Variants in SOBP observed in about 807,000 individuals in gnomAD.
SOBP encodes the protein sine oculis-binding protein homolog.
In SOBP, 4 loss-of-function variants were observed where a neutral mutation model predicts 53.6. That is an observed-to-expected ratio of 0.07 (90% CI 0.04 to 0.17). SOBP has a LOEUF of 0.17. Ranked by LOEUF, SOBP falls within the 10% of genes least tolerant of loss-of-function variation. The probability of loss-of-function intolerance (pLI) is 1.00; values close to 1 mark genes in which losing one functional copy is unlikely to be tolerated. For synonymous variants in SOBP, 584 were observed against 522.6 expected, an observed-to-expected ratio of 1.12 and a Z score of -1.60; for missense variants, 1,088 against 1,204.7, an observed-to-expected ratio of 0.90 and a Z score of 1.43.
chr6:107,654,100 C>T (rs1771916974), intron 6 of SOBP, among the ~76,000 whole-genome samples: 2 of 152,182 alleles, frequency 1.3e-5, no homozygotes, highest in African/African-American at 4.8e-5. Context: ...TGTGCAGTTA[C>T]GATTCCATGA....
chr6:107,554,721 C>T (rs981830456), intron 4 of SOBP, among the ~76,000 whole-genome samples: 1 of 152,182 alleles, frequency 6.6e-6, no homozygotes, highest in Admixed American at 6.5e-5. Context: ...CAACATTGCC[C>T]TCTAAATGAC....
intron 4 of SOBP, among the ~76,000 whole-genome samples, chr6:107,572,948 A>G (rs1395804770): frequency 1.3e-5 from 2 of 152,224 alleles, no homozygotes; most frequent in Non-Finnish European, 2.9e-5. Context: ...GGAATTCACC[A>G]TACTGCAGTG....
chr6:107,568,811 C>G (rs543509773), intron 4 of SOBP, among the ~76,000 whole-genome samples: 2 of 152,220 alleles, frequency 1.3e-5, no homozygotes, highest in Admixed American at 6.5e-5. Flanking sequence ...ATTTTTGAAA[C>G]AAGAAGATGT....
chr6:107,607,773 T>C (rs1036270582), intron 5 of SOBP, among the ~76,000 whole-genome samples: 6 of 152,234 alleles, frequency 3.9e-5, no homozygotes, highest in Admixed American at 1.3e-4. Context: ...TCAGTTCAAA[T>C]ATAGAACTAA....
At chr6:107,613,517 T>C (rs553935990) in intron 5 of SOBP, among the ~76,000 whole-genome samples, 1 of 152,358 alleles carries the variant, frequency 6.6e-6, no homozygotes, top group African/African-American at 2.4e-5. Context: ...ATTCTACTTT[T>C]ATGTAGAGAA....
At chr6:107,546,551 A>G (rs545608789) in intron 4 of SOBP, among the ~76,000 whole-genome samples, 200 of 152,324 alleles carry the variant, frequency 1.3e-3, no homozygotes, top group African/African-American at 4.6e-3. Flanking sequence ...GTATCTTCCC[A>G]TGAGCATGCT....
intron 4 of SOBP, among the ~76,000 whole-genome samples, chr6:107,566,949 C>G (rs1321310017): frequency 6.6e-6 from 1 of 152,144 alleles, no homozygotes; most frequent in East Asian, 1.9e-4. Flanking sequence ...CTACACAGTT[C>G]CTGAGGAGGG....
chr6:107,643,232 A>G (rs1457941772), intron 6 of SOBP, among the ~76,000 whole-genome samples: 3 of 152,194 alleles, frequency 2.0e-5, no homozygotes, highest in Non-Finnish European at 2.9e-5. Flanking sequence ...TGTGGGAGCA[A>G]GAATGATCAG....
chr6:107,572,188 A>G (rs1387954004), intron 4 of SOBP, among the ~76,000 whole-genome samples: 1 of 152,202 alleles, frequency 6.6e-6, no homozygotes, highest in Admixed American at 6.5e-5. Flanking sequence ...CCCTGAAGAT[A>G]GCAATTTTGA....
chr6:107,583,462 T>C (rs1264426014), intron 4 of SOBP, among the ~76,000 whole-genome samples: 5 of 152,218 alleles, frequency 3.3e-5, no homozygotes, highest in African/African-American at 4.8e-5. Flanking sequence ...TACCAGAAAC[T>C]AAGAAACAAA....
In SOBP at chr6:107,660,427, T is replaced by G. The variant is rs1484068299; in HGVS notation, c.*2224T>G. Among the ~76,000 whole-genome samples the G allele has an allele frequency of 1.3e-5, 2 of 152,184 alleles. No homozygotes were observed. The highest frequency in any genetic ancestry group is 1.5e-5 in the Non-Finnish European group (1 of 68,030). On this transcript the variant is annotated 3_prime_UTR_variant, in exon 7 of 7. Coordinates refer to ENST00000317357, the MANE Select transcript of SOBP (RefSeq NM_018013.4). Reference sequence around the variant, plus strand: ...ACACAGTGCATGGGAAGTGAGTGTTTAGGCTGTAGACCCAGGTGTGGTGTC... The same window carrying G: ...ACACAGTGCATGGGAAGTGAGTGTTGAGGCTGTAGACCCAGGTGTGGTGTC...
intron 4 of SOBP, among the ~76,000 whole-genome samples, chr6:107,578,202 G>A (rs943554237): frequency 6.6e-5 from 10 of 152,000 alleles, no homozygotes; most frequent in Non-Finnish European, 1.2e-4. Context: ...CTTTTCTTGG[G>A]CTCTTTGCAG....
At chr6:107,516,091 C>T (rs1287492154) in intron 3 of SOBP, among the ~76,000 whole-genome samples, 2 of 152,100 alleles carry the variant, frequency 1.3e-5, no homozygotes, top group East Asian at 1.9e-4. Flanking sequence ...AGGTTATCAA[C>T]AGAACACTCC....
intron 6 of SOBP, among the ~76,000 whole-genome samples, chr6:107,649,248 A>G (rs1446731332): frequency 1.3e-5 from 2 of 151,616 alleles, no homozygotes; most frequent in Non-Finnish European, 2.9e-5. Flanking sequence ...CCTAGAGGCC[A>G]AGACAGGAGG....
At chr6:107,546,539 A>G (rs1272428547) in intron 4 of SOBP, among the ~76,000 whole-genome samples, 1 of 152,208 alleles carries the variant, frequency 6.6e-6, no homozygotes, top group Non-Finnish European at 1.5e-5. Context: ...GCAGTCCTCC[A>G]GGTATCTTCC....
intron 3 of SOBP, among the ~76,000 whole-genome samples, chr6:107,507,795 T>A (rs1783041189): frequency 6.6e-6 from 1 of 152,120 alleles, no homozygotes; most frequent in Non-Finnish European, 1.5e-5. Context: ...AGCTTTTTTC[T>A]TTTCTTTTCT....
At chr6:107,522,685 G>A (rs1029479187) in intron 3 of SOBP, among the ~76,000 whole-genome samples, 1 of 151,726 alleles carries the variant, frequency 6.6e-6, no homozygotes, top group Non-Finnish European at 1.5e-5. Context: ...TGGGACTACA[G>A]GCAGGCACGA....
intron 4 of SOBP, among the ~76,000 whole-genome samples, chr6:107,584,862 AT>A (rs1490121874): frequency 2.0e-5 from 3 of 151,948 alleles, no homozygotes; most frequent in Admixed American, 6.6e-5. Flanking sequence ...GAATGAATGT[AT>A]TTTTGCCACT....
chr6:107,623,378 T>G (rs1770304004), intron 5 of SOBP, among the ~76,000 whole-genome samples: 1 of 152,140 alleles, frequency 6.6e-6, no homozygotes, highest in Non-Finnish European at 1.5e-5. Flanking sequence ...TTAGAGCAAG[T>G]CATGTAATAT....
Sources: gnomAD v4.1 joint callset for allele counts (sites outside exome capture counted in the v4.1 genomes callset) on GRCh38, gnomAD v4.1.1 for gene constraint, MANE v1.5 for transcripts, NCBI Gene and HGNC (gene_info 2026-07-23, HGNC 2026-07-21) for gene names.